GPR158: variants seen among roughly 807,000 people sequenced by gnomAD.
The protein encoded by GPR158 is metabotropic glycine receptor.
GPR158 carries 30 observed loss-of-function variants against 78.2 expected under a neutral mutation model. The observed-to-expected ratio is 0.38, with a 90% CI of 0.29 to 0.52. The LOEUF is 0.52. GPR158 is among the 20% of genes least tolerant of loss of function. GPR158 has a pLI of 0.83. For missense variants in GPR158, 1,463 were observed against 1,523.5 expected (o/e 0.96, Z 0.66); for synonymous variants, 581 against 591.1 (o/e 0.98, Z 0.25).
rs564371327 is a variant in GPR158, at chr10:25,380,436, T to G, written c.1009-15475T>G. ...TTGCATTTGCTTCTTGATGTTTTAA[T>G]TAGATCTATCTATATTTATGTATAT... On this transcript the variant is annotated intron_variant, in intron 2 of 10. Transcript: ENST00000376351. 2.0e-5 allele frequency among the ~76,000 whole-genome samples: 3 copies of G among 152,332 alleles called. No individual in the cohort carries two copies. In the East Asian group the frequency reaches 5.8e-4, roughly 29 times the overall value.
At chr10:25,390,172 C>A (rs148344195) in intron 2 of GPR158, among the ~76,000 whole-genome samples, 11 of 152,250 alleles carry the variant, frequency 7.2e-5, no homozygotes, top group African/African-American at 2.4e-4. Context: ...TGGGTATATC[C>A]TTATAGCAGC....
At chr10:25,244,266 T>A (rs142768545) in intron 2 of GPR158, 1 of 152,198 alleles carries the variant, frequency 6.6e-6, no homozygotes, top group African/African-American at 2.4e-5. Context: ...TCTCTTCATA[T>A]GTTTCTCAAT....
chr10:25,443,541 C>A (rs185090230), intron 4 of GPR158, among the ~76,000 whole-genome samples: 23 of 137,644 alleles, frequency 1.7e-4, no homozygotes, highest in Admixed American at 1.5e-3. Flanking sequence ...GGCGACAGAG[C>A]GAGAGACTGT....
At chr10:25,488,638 T>C (rs1835764116) in intron 5 of GPR158, among the ~76,000 whole-genome samples, 1 of 152,146 alleles carries the variant, frequency 6.6e-6, no homozygotes, top group Admixed American at 6.6e-5. Flanking sequence ...TATCAGTTAT[T>C]AATTATAATC....
chr10:25,598,168 A>G lies in GPR158; in HGVS notation c.2542A>G (p.Thr848Ala). Residue 848 changes from threonine (T) to alanine (A), a missense_variant, in exon 11 of 11, where the codon ACA (threonine) becomes GCA (alanine). Transcript: ENST00000376351. ...SQEEETTENS[T>A]LESLSGKKLT... ...AGAGGAGGAGACAACAGAAAATTCC[A>G]CACTGGAATCCCTGTCGGGTAAAAA... 6.2e-7 allele frequency: 1 copy of G among 1,614,176 alleles called. No homozygotes were observed. Among genetic ancestry groups the G allele is most frequent in the African/African-American group, 1.3e-5 (1 of 75,056 alleles).
intron 2 of GPR158, among the ~76,000 whole-genome samples, chr10:25,273,104 T>A (rs1220552228): frequency 6.6e-6 from 1 of 152,188 alleles, no homozygotes; most frequent in Non-Finnish European, 1.5e-5. Context: ...TTACAAGGAC[T>A]GTAATTGATT....
At chr10:25,326,701 A>C (rs1369465388) in intron 2 of GPR158, among the ~76,000 whole-genome samples, 2 of 151,986 alleles carry the variant, frequency 1.3e-5, no homozygotes, top group Non-Finnish European at 2.9e-5. Context: ...GACTATAGTT[A>C]ATAATAACGT....
chr10:25,188,303 CA>C (rs1000877062), intron 1 of GPR158, among the ~76,000 whole-genome samples: 1 of 151,974 alleles, frequency 6.6e-6, no homozygotes. Context: ...CATGTGGAGC[CA>C]AAAAAGAGCC....
At chr10:25,504,133 C>T (rs1177928447) in intron 5 of GPR158, among the ~76,000 whole-genome samples, 2 of 152,166 alleles carry the variant, frequency 1.3e-5, no homozygotes, top group Non-Finnish European at 2.9e-5. Flanking sequence ...TCAAGTGATC[C>T]ACTTGCCTCA....
chr10:25,319,890 A>G (rs1241270352), intron 2 of GPR158, among the ~76,000 whole-genome samples: 1 of 151,960 alleles, frequency 6.6e-6, no homozygotes, highest in Non-Finnish European at 1.5e-5. Context: ...AAGGGTTCAA[A>G]ATCCAACCAG....
At chr10:25,576,970 CA>C (rs765153642) in intron 7 of GPR158, among the ~76,000 whole-genome samples, 2,206 of 113,694 alleles carry the variant, frequency 0.019, 19 homozygotes, top group Middle Eastern at 0.035. Context: ...ACAGTGTTCT[CA>C]AAAAAAAAAA....
intron 4 of GPR158, among the ~76,000 whole-genome samples, chr10:25,427,626 G>A (rs751063841): frequency 7.9e-5 from 12 of 151,770 alleles, no homozygotes; most frequent in Non-Finnish European, 1.5e-4. Flanking sequence ...GAGTGGACTG[G>A]CACTTGCATG....
intron 2 of GPR158, among the ~76,000 whole-genome samples, chr10:25,241,181 C>CCTT (rs1554787142): frequency 1.3e-5 from 1 of 75,752 alleles, no homozygotes; most frequent in East Asian, 4.8e-4. Context: ...TTCTTTCTTT[C>CCTT]TTTCTTTCCT....
At chr10:25,473,035 T>G (rs909821208) in intron 5 of GPR158, among the ~76,000 whole-genome samples, 1 of 152,116 alleles carries the variant, frequency 6.6e-6, no homozygotes, top group African/African-American at 2.4e-5. Flanking sequence ...CTTGTGCCAA[T>G]TTTCAAAGGG....
At chr10:25,284,903 T>A (rs1186304466) in intron 2 of GPR158, among the ~76,000 whole-genome samples, 3 of 152,096 alleles carry the variant, frequency 2.0e-5, no homozygotes, top group African/African-American at 7.2e-5. Context: ...CCTAATTACT[T>A]CTTATTCTTT....
intron 1 of GPR158, among the ~76,000 whole-genome samples, chr10:25,187,883 C>T (rs1032096098): frequency 1.3e-5 from 2 of 152,078 alleles, no homozygotes; most frequent in Non-Finnish European, 2.9e-5. Flanking sequence ...TCCAGAAAAC[C>T]CCATCGTCTC....
In GPR158 at chr10:25,412,439, G is replaced by C. The variant is rs564260839; in HGVS notation, c.1301G>C (p.Ser434Thr). The C allele has an allele frequency of 1.9e-6, 3 of 1,613,894 alleles. No individual in the cohort carries two copies. Among genetic ancestry groups the C allele is most frequent in the Non-Finnish European group, 2.5e-6 (3 of 1,179,898 alleles). The change falls in exon 4 of 11, where the codon AGC becomes ACC. Residue 434 changes from serine to threonine, a missense_variant. Transcript: ENST00000376351. ...QALCMLLDFV[S>T]MLVVYHFRKA... is the part of the protein sequence containing the mutation. Reference sequence around the variant, plus strand: ...CTGTGTATGCTGCTCGACTTCGTTAGCATGCTGGTGGTCTACCACTTTCGC... The same window carrying C: ...CTGTGTATGCTGCTCGACTTCGTTACCATGCTGGTGGTCTACCACTTTCGC...
intron 4 of GPR158, among the ~76,000 whole-genome samples, chr10:25,416,715 A>C (rs1490346117): frequency 6.6e-6 from 1 of 152,202 alleles, no homozygotes; most frequent in Non-Finnish European, 1.5e-5. Flanking sequence ...ACTAGAATGG[A>C]GAAACCTCTC....
chr10:25,241,671 C>T (rs1414837022), intron 2 of GPR158, among the ~76,000 whole-genome samples: 1 of 152,184 alleles, frequency 6.6e-6, no homozygotes, highest in Non-Finnish European at 1.5e-5. Context: ...ATCCCCCCAC[C>T]TTGGCCTCCC....
Sources: gnomAD v4.1 joint callset for allele counts (sites outside exome capture counted in the v4.1 genomes callset) on GRCh38, gnomAD v4.1.1 for gene constraint, MANE v1.5 for transcripts, NCBI Gene and HGNC (gene_info 2026-07-23, HGNC 2026-07-21) for gene names.